CRIM1: variants seen among roughly 807,000 people sequenced by gnomAD.
CRIM1 encodes the protein cysteine-rich motor neuron 1 protein.
In CRIM1, 32 loss-of-function variants were observed where a neutral mutation model predicts 116.4. The ratio of observed to expected loss-of-function variants is 0.27; its 90% CI spans 0.21 to 0.37. The LOEUF (loss-of-function observed/expected upper bound fraction) is 0.37, where lower values mean the gene tolerates loss of function less well. Ranked by LOEUF, CRIM1 falls within the 10% of genes least tolerant of loss-of-function variation. The pLI is 1.00. For missense variants in CRIM1, 1,331 were observed against 1,354.8 expected (o/e 0.98, Z 0.28); for synonymous variants, 590 against 509.2 (o/e 1.16, Z -2.13).
intron 2 of CRIM1, among the ~76,000 whole-genome samples, chr2:36,401,849 G>C (rs1193973002): frequency 6.6e-6 from 1 of 152,184 alleles, no homozygotes; most frequent in Admixed American, 6.5e-5. Context: ...TTTATGAAAT[G>C]CCAGATACAT....
chr2:36,487,293 T>C (rs1457439846), intron 7 of CRIM1, among the ~76,000 whole-genome samples: 1 of 152,156 alleles, frequency 6.6e-6, no homozygotes, highest in Non-Finnish European at 1.5e-5. Flanking sequence ...CAACACAAGG[T>C]CCCGCCAGAT....
intron 1 of CRIM1, among the ~76,000 whole-genome samples, chr2:36,366,136 C>A (rs1669590102): frequency 6.6e-6 from 1 of 152,184 alleles, no homozygotes; most frequent in South Asian, 2.1e-4. Flanking sequence ...TTTAAATTGG[C>A]TATTGTAGAA....
intron 2 of CRIM1, among the ~76,000 whole-genome samples, chr2:36,417,849 TA>T (rs959986980): frequency 4.6e-5 from 7 of 152,196 alleles, no homozygotes; most frequent in African/African-American, 1.7e-4. Flanking sequence ...TGCACAGGAT[TA>T]CTGAGAAAGG....
chr2:36,452,246 A>G (rs941262158), intron 4 of CRIM1, among the ~76,000 whole-genome samples: 1 of 152,134 alleles, frequency 6.6e-6, no homozygotes, highest in Non-Finnish European at 1.5e-5. Flanking sequence ...ATTAAGTTAT[A>G]TAATAAGTAA....
At position 36,479,642 on chromosome 2, in the gene CRIM1, G is replaced by T; in HGVS notation, c.1320G>T (p.Gln440His). 1 of 1,614,234 alleles carries T rather than the reference G, an allele frequency of 6.2e-7. No homozygotes were observed. The highest frequency in any genetic ancestry group is 8.5e-7 in the Non-Finnish European group (1 of 1,180,042). Residue 440 changes from glutamine to histidine, a missense_variant, in exon 7 of 17, where the codon CAG becomes CAT. Physicochemically the swap from Gln to His is conservative, Grantham distance 24. Transcript: ENST00000280527. ...ERHCVATVCGQTCTNPVKVPG... is the reference protein window; with the variant it reads ...ERHCVATVCGHTCTNPVKVPG... Reference sequence around the variant, plus strand: ...ACTGCGTTGCGACCGTCTGCGGACAGACCTGCACAAACCCTGTGAAAGTGC... The same window carrying T: ...ACTGCGTTGCGACCGTCTGCGGACATACCTGCACAAACCCTGTGAAAGTGC...
chr2:36,456,741 C>T lies in CRIM1; in HGVS notation c.870-7793C>T, dbSNP rs145256150. On this transcript the variant is annotated intron_variant, in intron 4 of 16. Transcript: ENST00000280527. ...CATTTCAACAGGGGCACGGGCCCTG[C>T]GATTACTTTCAGCTGTGTTTCTGCT... Among the ~76,000 whole-genome samples the T allele has an allele frequency of 3.3e-3, 504 of 152,248 alleles. 2 individuals carry two copies. The highest frequency in any genetic ancestry group is 0.011 in the African/African-American group (470 of 41,534).
chr2:36,535,349 C>T (rs978448329), intron 13 of CRIM1, among the ~76,000 whole-genome samples: 1 of 152,228 alleles, frequency 6.6e-6, no homozygotes, highest in African/African-American at 2.4e-5. Context: ...TTAGTGAAGT[C>T]GCCTCTTTTA....
intron 13 of CRIM1, among the ~76,000 whole-genome samples, chr2:36,528,823 C>G (rs1310675273): frequency 6.6e-6 from 1 of 152,178 alleles, no homozygotes; most frequent in Non-Finnish European, 1.5e-5. Flanking sequence ...TGGAACTGGT[C>G]TAAAGTTATC....
At chr2:36,481,896 A>G (rs2125051053) in intron 7 of CRIM1, among the ~76,000 whole-genome samples, 1 of 152,214 alleles carries the variant, frequency 6.6e-6, no homozygotes, top group African/African-American at 2.4e-5. Flanking sequence ...TCTGTTGAGG[A>G]GTGAGGGCAG....
chr2:36,418,446 C>G (rs1243491406), intron 2 of CRIM1, among the ~76,000 whole-genome samples: 1 of 152,156 alleles, frequency 6.6e-6, no homozygotes, highest in East Asian at 1.9e-4. Flanking sequence ...ACCACCCTGC[C>G]TGGCGAATTT....
chr2:36,507,060 A>C (rs1393002588), intron 8 of CRIM1, among the ~76,000 whole-genome samples: 1 of 151,978 alleles, frequency 6.6e-6, no homozygotes, highest in Non-Finnish European at 1.5e-5. Flanking sequence ...AGGTCTCACT[A>C]TGTTGCACAG....
chr2:36,407,552 A>C (rs929685679), intron 2 of CRIM1, among the ~76,000 whole-genome samples: 1 of 152,198 alleles, frequency 6.6e-6, no homozygotes, highest in Non-Finnish European at 1.5e-5. Flanking sequence ...AACCAGTTTC[A>C]AATTATCTGG....
chr2:36,435,636 C>G (rs1467722958), intron 2 of CRIM1, among the ~76,000 whole-genome samples: 1 of 149,396 alleles, frequency 6.7e-6, no homozygotes, highest in Non-Finnish European at 1.5e-5. Flanking sequence ...TTTGTCATTA[C>G]TTTCAATGGC....
chr2:36,399,930 A>G lies in CRIM1; in HGVS notation c.505+3143A>G, dbSNP rs1033445252. On this transcript the variant is annotated intron_variant, in intron 2 of 16. Coordinates refer to ENST00000280527, the MANE Select transcript of CRIM1 (RefSeq NM_016441.3). ...CTAGGGAAATGTAGTAGGGTCACCT[A>G]CTGGTGCTGACAGCTTACTTGAGGT... is the stretch of plus-strand genomic sequence containing the variant. Among the ~76,000 whole-genome samples, 4 of 152,354 alleles carry G rather than the reference A, an allele frequency of 2.6e-5. No individual in the cohort carries two copies. The East Asian group carries it at 5.8e-4, about 22-fold the overall frequency.
intron 4 of CRIM1, among the ~76,000 whole-genome samples, chr2:36,457,052 C>T (rs1038868057): frequency 7.2e-5 from 11 of 152,224 alleles, no homozygotes; most frequent in East Asian, 3.9e-4. Context: ...ATGCCAGCCT[C>T]GAGGAGGAAG....
chr2:36,414,172 C>G (rs1046924682), intron 2 of CRIM1, among the ~76,000 whole-genome samples: 2 of 152,112 alleles, frequency 1.3e-5, no homozygotes, highest in African/African-American at 4.8e-5. Flanking sequence ...CTCATCTTAC[C>G]GGTGATTGTG....
At chr2:36,472,642 C>T (rs1385489757) in intron 5 of CRIM1, among the ~76,000 whole-genome samples, 1 of 152,158 alleles carries the variant, frequency 6.6e-6, no homozygotes, top group South Asian at 2.1e-4. Flanking sequence ...AGATCATGCA[C>T]CAGGGTTGTG....
intron 5 of CRIM1, among the ~76,000 whole-genome samples, chr2:36,476,173 T>C (rs1303505105): frequency 2.6e-5 from 4 of 152,160 alleles, no homozygotes; most frequent in African/African-American, 9.7e-5. Flanking sequence ...CTATGAGTCC[T>C]CAGCAGAACA....
chr2:36,467,645 G>C (rs1299075269), intron 5 of CRIM1, among the ~76,000 whole-genome samples: 1 of 152,198 alleles, frequency 6.6e-6, no homozygotes, highest in African/African-American at 2.4e-5. Flanking sequence ...TGAGAAAGGA[G>C]ACTCACAGCC....
Sources: gnomAD v4.1 joint callset for allele counts (sites outside exome capture counted in the v4.1 genomes callset) on GRCh38, gnomAD v4.1.1 for gene constraint, MANE v1.5 for transcripts, NCBI Gene and HGNC (gene_info 2026-07-23, HGNC 2026-07-21) for gene names.